MAGEA11: variants seen among roughly 807,000 people sequenced by gnomAD.
MAGEA11 encodes melanoma-associated antigen 11.
In MAGEA11, 1 loss-of-function variant was observed where a neutral mutation model predicts 8.4. That is an observed-to-expected ratio of 0.12 (90% CI 0.04 to 0.57). The LOEUF is 0.57. Among genes scored for constraint, MAGEA11 ranks in the 20% least tolerant of loss-of-function variants. The pLI is 0.91. For missense variants in MAGEA11, 209 were observed against 317.3 expected (o/e 0.66, Z 2.59); for synonymous variants, 127 against 119.3 (o/e 1.06, Z -0.42).
intron 1 of MAGEA11, among the ~76,000 whole-genome samples, chrX:149,704,409 C>T (rs782463308): frequency 2.7e-5 from 3 of 112,432 alleles, no homozygotes; most frequent in South Asian, 7.5e-4. Flanking sequence ...GAAGGGACTT[C>T]GCTCACTATT....
Position 149,716,823 on chromosome X carries a change from A to G in MAGEA11, c.*47A>G, listed in dbSNP as rs942672440. 9.0e-7 allele frequency: 1 copy of G among 1,106,042 alleles called. No homozygotes were observed. The highest frequency in any genetic ancestry group is 1.2e-6 in the Non-Finnish European group (1 of 819,579). 91.2% of individuals were successfully genotyped at this position (1,106,042 alleles called of 1,213,427 possible). ...AGCGGGCAGGGAAATGGGCCAATGC[A>G]TGCTTCAGGGCCACACCCAGCAGTT... On this transcript the variant is annotated 3_prime_UTR_variant, in exon 5 of 5. Transcript: ENST00000355220.
chrX:149,696,910 G>A (rs1347448387), intron 1 of MAGEA11, among the ~76,000 whole-genome samples: 1 of 112,176 alleles, frequency 8.9e-6, no homozygotes, highest in Non-Finnish European at 1.9e-5. Context: ...AAACACTGCA[G>A]CAAGCACTCC....
intron 1 of MAGEA11, among the ~76,000 whole-genome samples, chrX:149,696,021 A>G (rs1430310988): frequency 1.8e-5 from 2 of 110,839 alleles, no homozygotes; most frequent in Non-Finnish European, 3.8e-5. Flanking sequence ...GGGGACATGC[A>G]CAGGAGTCTC....
chrX:149,715,389 T>C (rs1318817693), intron 3 of MAGEA11, among the ~76,000 whole-genome samples: 1 of 111,619 alleles, frequency 9.0e-6, no homozygotes, highest in Admixed American at 9.5e-5. Context: ...GAGGCCTTGG[T>C]CTCAAGCAAT....
chrX:149,708,280 G>A (rs781952080), upstream of MAGEA11, among the ~76,000 whole-genome samples: 2 of 111,506 alleles, frequency 1.8e-5, no homozygotes, highest in African/African-American at 6.5e-5. Context: ...AATCCATGTC[G>A]AATTAATTTT....
upstream of MAGEA11, among the ~76,000 whole-genome samples, chrX:149,711,098 T>C (rs2090398239): frequency 8.9e-6 from 1 of 111,747 alleles, no homozygotes; most frequent in African/African-American, 3.3e-5. Context: ...ACTGGTTGAT[T>C]AAAGGAATAC....
chrX:149,707,494 T>C (rs1027660830), upstream of MAGEA11, among the ~76,000 whole-genome samples: 1 of 112,217 alleles, frequency 8.9e-6, no homozygotes, highest in Non-Finnish European at 1.9e-5. Flanking sequence ...TTATCCTGCA[T>C]TCCACAAATT....
intron 1 of MAGEA11, among the ~76,000 whole-genome samples, chrX:149,698,420 A>T (rs1557360738): frequency 1.8e-5 from 2 of 111,766 alleles, no homozygotes; most frequent in Non-Finnish European, 3.8e-5. Flanking sequence ...TGATACAGTT[A>T]ATTACAGAGA....
chrX:149,713,304 G>T (rs1557362107), intron 2 of MAGEA11, 49 bp downstream of exon 2: 7 of 825,108 alleles, frequency 8.5e-6, no homozygotes, highest in Non-Finnish European at 1.2e-5. Context: ...GTGGCCACAT[G>T]TGGTGCATCC....
chrX:149,698,200 G>T (rs1466818817), intron 1 of MAGEA11, among the ~76,000 whole-genome samples: 4 of 111,660 alleles, frequency 3.6e-5, no homozygotes, highest in African/African-American at 1.3e-4. Flanking sequence ...GACTTTCACA[G>T]AGATGTTGGT....
chrX:149,710,920 T>G (rs376800767), upstream of MAGEA11, among the ~76,000 whole-genome samples: 1 of 111,836 alleles, frequency 8.9e-6, no homozygotes, highest in Non-Finnish European at 1.9e-5. Context: ...TTTCATTGTA[T>G]TTTGAAGGAA....
chrX:149,688,863 T>C (rs1041358383), exon 1 of MAGEA11: 3 of 636,140 alleles, frequency 4.7e-6, no homozygotes, highest in Non-Finnish European at 7.0e-6. Context: ...TGACCCCCAG[T>C]GGAGGCTGAC....
upstream of MAGEA11, among the ~76,000 whole-genome samples, chrX:149,708,230 C>T (rs1301687167): frequency 1.8e-5 from 2 of 111,789 alleles, no homozygotes; most frequent in African/African-American, 6.5e-5. Flanking sequence ...AGGTTTTCTT[C>T]TAGGATTCTT....
At chrX:149,715,272 G>A (rs1557362330) in intron 3 of MAGEA11, among the ~76,000 whole-genome samples, 1 of 111,979 alleles carries the variant, frequency 8.9e-6, no homozygotes, top group East Asian at 2.8e-4. Flanking sequence ...AACTCACAGA[G>A]TTTGGCCCAC....
intron 1 of MAGEA11, chrX:149,688,990 G>C (rs1038218795): frequency 2.9e-5 from 30 of 1,025,422 alleles, no homozygotes; most frequent in Non-Finnish European, 3.7e-5. Flanking sequence ...GCAAGGTAAG[G>C]GAATGTGCAT....
At chrX:149,693,496 C>A (rs1483489614) in intron 1 of MAGEA11, among the ~76,000 whole-genome samples, 1 of 111,675 alleles carries the variant, frequency 9.0e-6, no homozygotes, top group Non-Finnish European at 1.9e-5. Context: ...AGGCTGCACC[C>A]CAGAGAGGCT....
Position 149,716,616 on chromosome X carries a change from C to G in MAGEA11, c.1130C>G (p.Thr377Ser). Reference sequence around the variant, plus strand: ...CTGGTGTACCGGCAGGTGCCCGGCACTGATCCTGCATGCTATGAGTTCCTG... The same window carrying G: ...CTGGTGTACCGGCAGGTGCCCGGCAGTGATCCTGCATGCTATGAGTTCCTG... The part of the protein sequence containing the change: ...KYLVYRQVPG[T>S]DPACYEFLWG... The change falls in exon 5 of 5, where the codon ACT becomes AGT. Residue 377 changes from threonine (T) to serine (S), a missense_variant. By Grantham distance (58) the Thr-to-Ser change is moderately conservative (BLOSUM62 1). Around this residue, in one of 2 missense-constraint regions of MAGEA11, gnomAD observed 78 missense variants for 178.8 expected, o/e 0.44. Transcript: ENST00000355220. 8.3e-7 allele frequency: 1 copy of G among 1,211,998 alleles called. No homozygotes were observed. Among genetic ancestry groups the G allele is most frequent in the Non-Finnish European group, 1.1e-6 (1 of 895,557 alleles).
At chrX:149,692,625 C>T (rs1347713146) in intron 1 of MAGEA11, among the ~76,000 whole-genome samples, 1 of 111,670 alleles carries the variant, frequency 9.0e-6, no homozygotes, top group African/African-American at 3.3e-5. Context: ...ATTATTTTAA[C>T]AAGTGTGTGC....
intron 1 of MAGEA11, among the ~76,000 whole-genome samples, chrX:149,712,591 G>A (rs376132694): frequency 9.0e-6 from 1 of 111,459 alleles, no homozygotes; most frequent in Non-Finnish European, 1.9e-5. Context: ...TCTGTGAGGA[G>A]GCAAGATGAG....
Sources: gnomAD v4.1 joint callset for allele counts (sites outside exome capture counted in the v4.1 genomes callset) on GRCh38, gnomAD v4.1.1 for gene constraint, gnomAD v4.1.1 regional missense constraint, MANE v1.5 for transcripts, NCBI Gene and HGNC (gene_info 2026-07-23, HGNC 2026-07-21) for gene names.